CREB3L2: variants seen among roughly 807,000 people sequenced by gnomAD.
CREB3L2 encodes the protein cAMP responsive element binding protein 3 like 2.
A neutral mutation model predicts 57.2 loss-of-function variants in CREB3L2; 23 were observed. The observed-to-expected ratio is 0.40, with a 90% CI of 0.29 to 0.57. The LOEUF (loss-of-function observed/expected upper bound fraction) is 0.57. Ranked by LOEUF, CREB3L2 falls within the 20% of genes least tolerant of loss-of-function variation. CREB3L2 has a pLI of 0.42. For missense variants in CREB3L2, 628 were observed against 634.7 expected (o/e 0.99, Z 0.11); for synonymous variants, 268 against 265.1 (o/e 1.01, Z -0.11).
intron 9 of CREB3L2, 93 bp downstream of exon 9, chr7:137,885,310 A>G: frequency 7.9e-7 from 1 of 1,260,182 alleles, no homozygotes; most frequent in Non-Finnish European, 1.1e-6. Context: ...GGTTTCTCCT[A>G]CAGCACAGCA....
At chr7:137,996,222 C>T (rs1323496768) in intron 1 of CREB3L2, among the ~76,000 whole-genome samples, 1 of 152,162 alleles carries the variant, frequency 6.6e-6, no homozygotes, top group Non-Finnish European at 1.5e-5. Flanking sequence ...TTAAATCTTA[C>T]TAACACTAAA....
At chr7:137,983,693 T>C (rs1343665206) in intron 1 of CREB3L2, among the ~76,000 whole-genome samples, 14 of 152,238 alleles carry the variant, frequency 9.2e-5, no homozygotes, top group Admixed American at 6.5e-4. Flanking sequence ...CCGTTTGCTA[T>C]GGCCTTTCTT....
intron 1 of CREB3L2, among the ~76,000 whole-genome samples, chr7:137,938,015 C>T (rs1800820192): frequency 6.6e-6 from 1 of 151,766 alleles, no homozygotes; most frequent in African/African-American, 2.4e-5. Context: ...AAGGAGTCAC[C>T]CTGGGAGAAG....
intron 2 of CREB3L2, among the ~76,000 whole-genome samples, chr7:137,924,806 G>C (rs900912211): frequency 2.0e-5 from 3 of 152,112 alleles, no homozygotes; most frequent in African/African-American, 7.2e-5. Context: ...TCTAGGGTTG[G>C]CTCCTGTGGT....
At chr7:137,896,160 G>A (rs1369489126) in intron 8 of CREB3L2, among the ~76,000 whole-genome samples, 1 of 152,208 alleles carries the variant, frequency 6.6e-6, no homozygotes, top group Non-Finnish European at 1.5e-5. Context: ...TATTCTCTGA[G>A]CGCCACAGAC....
intron 8 of CREB3L2, 120 bp from the exon 9 acceptor site, chr7:137,885,622 G>A: frequency 1.4e-6 from 1 of 736,760 alleles, no homozygotes; most frequent in East Asian, 2.6e-5. Context: ...AGAGCCCCAA[G>A]GGACAGTTTC....
intron 1 of CREB3L2, among the ~76,000 whole-genome samples, chr7:137,929,092 G>C (rs1406223859): frequency 6.6e-6 from 1 of 152,162 alleles, no homozygotes; most frequent in Non-Finnish European, 1.5e-5. Flanking sequence ...CCATGGGCTA[G>C]ACTTTGTTCC....
chr7:137,953,398 C>T (rs1801140190), intron 1 of CREB3L2: 1 of 1,087,672 alleles, frequency 9.2e-7, no homozygotes, highest in Admixed American at 2.3e-5. Flanking sequence ...GCACCCACTC[C>T]AGTCTAGCTG....
intron 1 of CREB3L2, among the ~76,000 whole-genome samples, chr7:137,937,153 GAGA>G (rs1259705410): frequency 1.3e-5 from 2 of 152,176 alleles, no homozygotes; most frequent in East Asian, 3.9e-4. Flanking sequence ...CGGCAGGCAG[GAGA>G]AGAAGCCTCT....
rs79189111 is a variant in CREB3L2, at chr7:137,936,024, A to C, written c.103-7658T>G. ...CACGAGGGTGAGGAAAGGGGAACAA[A>C]GTGGGAGGAAAAGGAAGGATTCATA... On this transcript the variant is annotated intron_variant, in intron 1 of 11. Transcript: ENST00000330387. 7.5e-3 allele frequency: 5,292 copies of C among 708,136 alleles called. 265 individuals carry two copies. The African/African-American group carries it at 0.092, about 12-fold the overall frequency. 43.9% of individuals were successfully genotyped at this position (708,136 alleles called of 1,614,324 possible).
At chr7:137,930,447 T>C (rs1800591242) in intron 1 of CREB3L2, among the ~76,000 whole-genome samples, 1 of 152,186 alleles carries the variant, frequency 6.6e-6, no homozygotes, top group Non-Finnish European at 1.5e-5. Context: ...CAAACTGAAG[T>C]GTCAATGAAG....
chr7:137,919,967 T>C (rs1352121225), intron 2 of CREB3L2, among the ~76,000 whole-genome samples: 3 of 152,226 alleles, frequency 2.0e-5, no homozygotes, highest in Admixed American at 2.0e-4. Context: ...CTATTGTCTT[T>C]GGATGAACAC....
intron 2 of CREB3L2, among the ~76,000 whole-genome samples, chr7:137,916,935 T>C (rs948452621): frequency 6.6e-6 from 1 of 152,160 alleles, no homozygotes; most frequent in Admixed American, 6.5e-5. Flanking sequence ...ATTTGGTTTT[T>C]TGATATTTTT....
chr7:137,943,651 G>A (rs532140076), intron 1 of CREB3L2, among the ~76,000 whole-genome samples: 1 of 152,218 alleles, frequency 6.6e-6, no homozygotes, highest in African/African-American at 2.4e-5. Flanking sequence ...AAAATTCAGG[G>A]CCATAGTTTC....
In CREB3L2 at chr7:137,877,403, C is replaced by G. The variant is rs929505706; in HGVS notation, c.*3073G>C. ...TTATATAACACTCTCTTTATGTGAG[C>G]TAGACTCCAGAGTCCTCACACTTCA... is the stretch of plus-strand genomic sequence containing the variant. On this transcript the variant is annotated 3_prime_UTR_variant, in exon 12 of 12. Transcript: ENST00000330387. 1.3e-5 allele frequency: 3 copies of G among 227,042 alleles called. No homozygotes were observed. Among genetic ancestry groups the G allele is most frequent in the African/African-American group, 6.7e-5 (3 of 44,958 alleles). The allele number at this position is 227,042 out of a possible 1,614,324, so 14.1% of individuals were successfully genotyped here.
At chr7:137,883,667 G>A (rs1012091646) in intron 10 of CREB3L2, among the ~76,000 whole-genome samples, 1 of 152,158 alleles carries the variant, frequency 6.6e-6, no homozygotes, top group African/African-American at 2.4e-5. Flanking sequence ...AATTTCTTAT[G>A]GTGGTGTACT....
chr7:137,939,361 AAC>A (rs72302192), intron 1 of CREB3L2, among the ~76,000 whole-genome samples: 14,068 of 152,060 alleles, frequency 0.093, 1,438 homozygotes, highest in African/African-American at 0.25. Flanking sequence ...CTCAATCACT[AAC>A]ACAGAGGACT....
intron 8 of CREB3L2, among the ~76,000 whole-genome samples, chr7:137,889,966 A>G (rs1799501099): frequency 1.3e-5 from 2 of 152,234 alleles, no homozygotes; most frequent in African/African-American, 4.8e-5. Context: ...GTACATTCCA[A>G]CATGGTACAG....
rs1473876391 is a variant in CREB3L2, at chr7:137,982,607, T to C, written c.102+18997A>G. Reference sequence around the variant, plus strand: ...TTCCCTTGCACAAGCTCTCTCTTGCTTGCCACCATGTAAGATGTGCCTTTC... The same window carrying C: ...TTCCCTTGCACAAGCTCTCTCTTGCCTGCCACCATGTAAGATGTGCCTTTC... On this transcript the variant is annotated intron_variant, in intron 1 of 11. Transcript: ENST00000330387. 5.9e-5 allele frequency among the ~76,000 whole-genome samples: 9 copies of C among 152,206 alleles called. No individual in the cohort carries two copies. The East Asian group carries it at 9.6e-4, about 16-fold the overall frequency.
Sources: gnomAD v4.1 joint callset for allele counts (sites outside exome capture counted in the v4.1 genomes callset) on GRCh38, gnomAD v4.1.1 for gene constraint, MANE v1.5 for transcripts, NCBI Gene and HGNC (gene_info 2026-07-23, HGNC 2026-07-21) for gene names.